Variants in RANBP2 observed in about 807,000 individuals in gnomAD.
RANBP2 encodes the protein RAN binding protein 2, also known as E3 SUMO-protein ligase RanBP2.
RANBP2 carries 57 observed loss-of-function variants against 303.6 expected under a neutral mutation model. The ratio of observed to expected loss-of-function variants is 0.19; its 90% CI spans 0.15 to 0.23. RANBP2 has a LOEUF of 0.23. Ranked by LOEUF, RANBP2 falls within the 10% of genes least tolerant of loss-of-function variation. The pLI is 1.00. For missense variants in RANBP2, 3,138 were observed against 3,780.8 expected (o/e 0.83, Z 4.46); for synonymous variants, 1,167 against 1,301.5 (o/e 0.90, Z 2.23).
chr2:109,542,660 C>T, the RANBP2 span, among the ~76,000 whole-genome samples: 2 of 152,196 alleles, frequency 1.3e-5, no homozygotes, highest in African/African-American at 2.4e-5. Context: ...CCTACCAGAA[C>T]CTGGGTGTCA....
At chr2:109,374,351 TCAG>T in the RANBP2 span, among the ~76,000 whole-genome samples, 1 of 152,064 alleles carries the variant, frequency 6.6e-6, no homozygotes, top group African/African-American at 2.4e-5. Flanking sequence ...TCCCGGACTC[TCAG>T]CAGCCACTGA....
the RANBP2 span, among the ~76,000 whole-genome samples, chr2:109,693,402 A>G: frequency 1.3e-5 from 2 of 151,902 alleles, no homozygotes; most frequent in Non-Finnish European, 2.9e-5. Flanking sequence ...CAAGTGATCC[A>G]CCCGCTTCGG....
the RANBP2 span, chr2:109,553,350 G>A: frequency 1.3e-6 from 1 of 797,320 alleles, no homozygotes; most frequent in Non-Finnish European, 2.0e-6. Context: ...TCCAAGACCA[G>A]CCTGGCCAAC....
the RANBP2 span, among the ~76,000 whole-genome samples, chr2:109,415,712 A>T: frequency 0.081 from 12,392 of 152,150 alleles, 749 homozygotes; most frequent in East Asian, 0.34. Context: ...CCGTGGGGAT[A>T]CTGCCCCCTT....
intron 2 of RANBP2, among the ~76,000 whole-genome samples, chr2:108,729,857 A>G (rs534620398): frequency 3.3e-5 from 5 of 151,928 alleles, no homozygotes; most frequent in Middle Eastern, 3.4e-3. Flanking sequence ...GTAGCTGGGG[A>G]TACAGATGCG....
chr2:109,522,043 G>T, the RANBP2 span, among the ~76,000 whole-genome samples: 2 of 152,054 alleles, frequency 1.3e-5, no homozygotes, highest in Admixed American at 6.6e-5. Flanking sequence ...GTTTTACTTC[G>T]CAATGTTTAA....
At chr2:109,117,510 T>A in the RANBP2 span, among the ~76,000 whole-genome samples, 1 of 152,060 alleles carries the variant, frequency 6.6e-6, no homozygotes, top group Non-Finnish European at 1.5e-5. Context: ...AGGGTGGGAG[T>A]GACCCAATTT....
At chr2:109,024,748 A>G in the RANBP2 span, among the ~76,000 whole-genome samples, 1 of 152,236 alleles carries the variant, frequency 6.6e-6, no homozygotes, top group African/African-American at 2.4e-5. Context: ...GCACCTGGGG[A>G]CAAACCTTCA....
chr2:109,149,011 T>A, the RANBP2 span, among the ~76,000 whole-genome samples: 1 of 152,226 alleles, frequency 6.6e-6, no homozygotes, highest in African/African-American at 2.4e-5. Context: ...GGCTTTCAAC[T>A]GCAGATCCCC....
At chr2:109,320,915 A>G in the RANBP2 span, among the ~76,000 whole-genome samples, 22 of 152,354 alleles carry the variant, frequency 1.4e-4, no homozygotes, top group African/African-American at 5.3e-4. Context: ...CTGAACCACA[A>G]ACACTTCATC....
At chr2:109,335,074 T>A in the RANBP2 span, among the ~76,000 whole-genome samples, 1 of 152,214 alleles carries the variant, frequency 6.6e-6, no homozygotes, top group Non-Finnish European at 1.5e-5. Context: ...CTGCCTGGGA[T>A]CATGGTGGTC....
intron 4 of RANBP2, 77 bp downstream of exon 4, chr2:108,731,551 A>G (rs1019695124): frequency 5.1e-5 from 82 of 1,606,620 alleles, no homozygotes; most frequent in Non-Finnish European, 5.9e-5. Flanking sequence ...TTACTTTTCA[A>G]TAGCAAACCT....
chr2:109,573,022 T>C, the RANBP2 span, among the ~76,000 whole-genome samples: 2 of 152,178 alleles, frequency 1.3e-5, no homozygotes, highest in Non-Finnish European at 1.5e-5. Flanking sequence ...TGGAAAAGAT[T>C]AGATAATATA....
the RANBP2 span, among the ~76,000 whole-genome samples, chr2:108,874,277 T>C: frequency 6.6e-6 from 1 of 152,186 alleles, no homozygotes; most frequent in Non-Finnish European, 1.5e-5. Flanking sequence ...GGATTTATTT[T>C]AGTAAACTCT....
At chr2:109,747,366 G>T in the RANBP2 span, among the ~76,000 whole-genome samples, 2 of 139,822 alleles carry the variant, frequency 1.4e-5, no homozygotes, top group South Asian at 2.8e-4. Context: ...ATCTAAATTC[G>T]TTTTGAGGTA....
chr2:109,152,768 C>T, the RANBP2 span, among the ~76,000 whole-genome samples: 5 of 152,176 alleles, frequency 3.3e-5, no homozygotes, highest in Non-Finnish European at 5.9e-5. Context: ...GACCCAGTGT[C>T]CCCTCCCAGG....
At chr2:108,897,876 A>C in the RANBP2 span, among the ~76,000 whole-genome samples, 1 of 152,216 alleles carries the variant, frequency 6.6e-6, no homozygotes, top group Non-Finnish European at 1.5e-5. Context: ...AAATACAAGA[A>C]GTCTGAAAAG....
chr2:109,691,432 A>T, the RANBP2 span, among the ~76,000 whole-genome samples: 2 of 152,046 alleles, frequency 1.3e-5, no homozygotes, highest in Admixed American at 6.6e-5. Context: ...CTCTGAGCTC[A>T]CTCAGGCCTG....
At chr2:109,451,935 G>A in the RANBP2 span, among the ~76,000 whole-genome samples, 2 of 152,172 alleles carry the variant, frequency 1.3e-5, no homozygotes, top group East Asian at 3.9e-4. Context: ...TTTTTGTGAG[G>A]CCCTCTGAGC....
Sources: allele counts gnomAD v4.1 joint callset (sites outside exome capture counted in the v4.1 genomes callset), GRCh38; gene constraint gnomAD v4.1.1; transcripts MANE v1.5; gene names NCBI Gene and HGNC (gene_info 2026-07-23, HGNC 2026-07-21).